Variants in PTPRD observed in about 807,000 individuals in gnomAD.
PTPRD encodes the protein protein tyrosine phosphatase receptor type D.
In PTPRD, 34 loss-of-function variants were observed where a neutral mutation model predicts 214.5. The observed-to-expected ratio is 0.16, with a 90% confidence interval of 0.12 to 0.21. The LOEUF (loss-of-function observed/expected upper bound fraction) is 0.21. Ranked by LOEUF, PTPRD falls within the 10% of genes least tolerant of loss-of-function variation. The pLI is 1.00. For synonymous variants in PTPRD, 1,128 were observed against 845.7 expected (o/e 1.33, Z -5.79); for missense variants, 2,545 against 2,398.7 (o/e 1.06, Z -1.27).
chr9:10,339,640 A>G (rs1314555917), intron 3 of PTPRD, among the ~76,000 whole-genome samples: 1 of 151,658 alleles, frequency 6.6e-6, no homozygotes, highest in African/African-American at 2.4e-5. Context: ...TGGGATGAAA[A>G]TGGATATTGG....
At chr9:9,671,392 T>C (rs1170850351) in intron 7 of PTPRD, among the ~76,000 whole-genome samples, 1 of 152,176 alleles carries the variant, frequency 6.6e-6, no homozygotes, top group Non-Finnish European at 1.5e-5. Flanking sequence ...GGGATTTGTC[T>C]TGTCTCAAAT....
chr9:8,795,015 C>T (rs2096367549), intron 11 of PTPRD, among the ~76,000 whole-genome samples: 1 of 152,082 alleles, frequency 6.6e-6, no homozygotes, highest in Non-Finnish European at 1.5e-5. Context: ...CATGCACTTA[C>T]ATTTCTTGAA....
chr9:9,974,064 G>C (rs901410152), intron 4 of PTPRD, among the ~76,000 whole-genome samples: 26 of 152,100 alleles, frequency 1.7e-4, no homozygotes, highest in Non-Finnish European at 3.5e-4. Context: ...TTATATTATG[G>C]AAACAGCTTT....
At chr9:8,566,323 CT>C (rs2089181121) in intron 14 of PTPRD, among the ~76,000 whole-genome samples, 1 of 152,114 alleles carries the variant, frequency 6.6e-6, no homozygotes, top group African/African-American at 2.4e-5. Flanking sequence ...GTACGAATAG[CT>C]GAGCCTCTCT....
chr9:8,904,870 T>C (rs753649258), intron 11 of PTPRD, among the ~76,000 whole-genome samples: 1 of 152,328 alleles, frequency 6.6e-6, no homozygotes, highest in East Asian at 1.9e-4. Flanking sequence ...CTAAATTTCA[T>C]GTTTCTGATA....
chr9:10,278,091 T>A (rs374333830), intron 3 of PTPRD, among the ~76,000 whole-genome samples: 1 of 150,622 alleles, frequency 6.6e-6, no homozygotes, highest in South Asian at 2.1e-4. Context: ...ACTTGGGAGG[T>A]GGAGCGAAGA....
intron 32 of PTPRD, among the ~76,000 whole-genome samples, chr9:8,463,779 G>A (rs1212508334): frequency 6.6e-6 from 1 of 151,830 alleles, no homozygotes; most frequent in Non-Finnish European, 1.5e-5. Flanking sequence ...TCTTTGAGAG[G>A]GACGGAGAAG....
intron 10 of PTPRD, among the ~76,000 whole-genome samples, chr9:9,114,639 G>A (rs1357978870): frequency 1.3e-5 from 2 of 152,068 alleles, no homozygotes; most frequent in African/African-American, 4.8e-5. Flanking sequence ...TGCTTGGACT[G>A]CCTCCCTTCC....
intron 3 of PTPRD, among the ~76,000 whole-genome samples, chr9:10,210,436 C>T (rs140897748): frequency 6.6e-6 from 1 of 151,992 alleles, no homozygotes; most frequent in African/African-American, 2.4e-5. Context: ...ACTAAGGTAG[C>T]ATCTTGTAGA....
intron 10 of PTPRD, among the ~76,000 whole-genome samples, chr9:9,134,221 C>G (rs1225963490): frequency 6.8e-6 from 1 of 147,834 alleles, no homozygotes; most frequent in African/African-American, 2.6e-5. Context: ...TACAGGTGCC[C>G]GCCACCACGC....
intron 11 of PTPRD, among the ~76,000 whole-genome samples, chr9:8,849,349 T>G (rs966074994): frequency 1.3e-5 from 2 of 151,968 alleles, no homozygotes; most frequent in African/African-American, 4.8e-5. Flanking sequence ...ATAATTTTTG[T>G]ATTTTTAGCT....
chr9:8,700,902 C>G (rs534383118), intron 12 of PTPRD: 1 of 152,240 alleles, frequency 6.6e-6, no homozygotes, highest in African/African-American at 2.4e-5. Context: ...TAAAATTTTT[C>G]CTGTAATCCC....
At chr9:8,896,360 A>C (rs73640961) in intron 11 of PTPRD, among the ~76,000 whole-genome samples, 1 of 152,148 alleles carries the variant, frequency 6.6e-6, no homozygotes, top group Non-Finnish European at 1.5e-5. Flanking sequence ...GCTTAAAATA[A>C]TACAGAAGAA....
At chr9:8,560,462 CACACACACACATAT>C (rs1196739487) in intron 14 of PTPRD, among the ~76,000 whole-genome samples, 5 of 138,882 alleles carry the variant, frequency 3.6e-5, no homozygotes, top group South Asian at 2.2e-4. Flanking sequence ...CACACACACA[CACACACACACATAT>C]ATACACTGTT....
intron 9 of PTPRD, among the ~76,000 whole-genome samples, chr9:9,266,068 G>A (rs572656380): frequency 6.6e-5 from 10 of 151,540 alleles, no homozygotes; most frequent in African/African-American, 2.2e-4. Flanking sequence ...AATCCAAAAA[G>A]AAAGGGGTAG....
chr9:9,930,731 T>C lies in PTPRD; in HGVS notation c.-368+7776A>G, dbSNP rs866793692. Among the ~76,000 whole-genome samples the C allele has an allele frequency of 8.6e-4, 131 of 152,230 alleles. 1 individual carries two copies. Among genetic ancestry groups the C allele is most frequent in the Admixed American group, 6.3e-3 (97 of 15,290 alleles). On this transcript the variant is annotated intron_variant, in intron 5 of 45. Transcript: ENST00000381196. ...ATATAATATTTAAATTTATGAAATA[T>C]GTATTATTTATACTTTTCCACAAAA... is the stretch of plus-strand genomic sequence containing the variant.
intron 4 of PTPRD, among the ~76,000 whole-genome samples, chr9:10,017,453 C>A (rs961668025): frequency 6.6e-6 from 1 of 151,900 alleles, no homozygotes; most frequent in Non-Finnish European, 1.5e-5. Flanking sequence ...ATGTATTAAT[C>A]TTTTCCTTCA....
chr9:10,489,117 A>T (rs1277797477), intron 2 of PTPRD, among the ~76,000 whole-genome samples: 1 of 152,092 alleles, frequency 6.6e-6, no homozygotes, highest in Non-Finnish European at 1.5e-5. Context: ...CCCTTAACAT[A>T]GTACTAAGTA....
chr9:8,945,830 C>T (rs919866861), intron 11 of PTPRD, among the ~76,000 whole-genome samples: 4 of 152,168 alleles, frequency 2.6e-5, no homozygotes, highest in African/African-American at 7.2e-5. Flanking sequence ...TTCTATACTT[C>T]CTTCAAGTCT....
Sources: allele counts gnomAD v4.1 joint callset (sites outside exome capture counted in the v4.1 genomes callset), GRCh38; gene constraint gnomAD v4.1.1; transcripts MANE v1.5; gene names NCBI Gene and HGNC (gene_info 2026-07-23, HGNC 2026-07-21).